The following IL1RAPL2 variants were observed in gnomAD, a reference collection of about 807,000 sequenced individuals.
IL1RAPL2 encodes X-linked interleukin-1 receptor accessory protein-like 2.
IL1RAPL2 carries 3 observed loss-of-function variants against 44.1 expected under a neutral mutation model. That is an observed-to-expected ratio of 0.07 (90% CI 0.03 to 0.18). IL1RAPL2 has a LOEUF of 0.18. Ranked by LOEUF, IL1RAPL2 falls within the 10% of genes least tolerant of loss-of-function variation. The pLI is 1.00. For missense variants in IL1RAPL2, 391 were observed against 496.4 expected (o/e 0.79, Z 2.02); for synonymous variants, 181 against 178.8 (o/e 1.01, Z -0.10).
At position 105,658,789 on chromosome X, in the gene IL1RAPL2, C is replaced by T. The variant is rs1246328674; in HGVS notation, c.773-58578C>T. 1.3e-4 allele frequency among the ~76,000 whole-genome samples: 13 copies of T among 101,490 alleles called. No individual in the cohort carries two copies. The Admixed American group carries it at 1.3e-3, about 11-fold the overall frequency. 88.1% of individuals were successfully genotyped at this position (101,490 alleles called of 115,157 possible). A position where few individuals can be genotyped will look rare whatever the true frequency, so the allele number is the denominator to read the frequency against. The stretch of plus-strand genomic sequence containing the variant: ...CCAGCATGGTGAAACCCCATCTGTA[C>T]TAAAAATACAAAAAAAAAAAAAATT... On this transcript the variant is annotated intron_variant, in intron 6 of 10. Transcript: ENST00000372582.
intron 6 of IL1RAPL2, among the ~76,000 whole-genome samples, chrX:105,574,766 A>G (rs2037038733): frequency 9.0e-6 from 1 of 111,253 alleles, no homozygotes; most frequent in Non-Finnish European, 1.9e-5. Flanking sequence ...GTAAGATAAT[A>G]GTGTTACGTA....
At chrX:104,744,622 A>G (rs1264824189) in intron 2 of IL1RAPL2, among the ~76,000 whole-genome samples, 1 of 111,536 alleles carries the variant, frequency 9.0e-6, no homozygotes, top group Non-Finnish European at 1.9e-5. Flanking sequence ...TCATAGCACA[A>G]TTTATTAATT....
chrX:105,681,294 A>AT (rs2037923169), intron 6 of IL1RAPL2, among the ~76,000 whole-genome samples: 1 of 110,970 alleles, frequency 9.0e-6, no homozygotes, highest in African/African-American at 3.3e-5. Context: ...GATCAGAAAG[A>AT]CCTTGCTTCT....
At chrX:105,545,182 A>T (rs1288452414) in intron 6 of IL1RAPL2, among the ~76,000 whole-genome samples, 1 of 111,734 alleles carries the variant, frequency 8.9e-6, no homozygotes, top group Non-Finnish European at 1.9e-5. Flanking sequence ...GTAGTTCTGG[A>T]TCTGGTGTCA....
intron 6 of IL1RAPL2, among the ~76,000 whole-genome samples, chrX:105,539,178 T>C (rs1261215062): frequency 9.0e-6 from 1 of 111,246 alleles, no homozygotes; most frequent in Non-Finnish European, 1.9e-5. Flanking sequence ...CACAGAAAAA[T>C]GTTCCAAAAT....
chrX:105,762,231 T>G, intron 10 of IL1RAPL2, among the ~76,000 whole-genome samples: 1 of 112,194 alleles, frequency 8.9e-6, no homozygotes. Flanking sequence ...CACTAGAATT[T>G]TGTTTTATAC....
chrX:105,396,494 C>T (rs2035564056), intron 5 of IL1RAPL2, among the ~76,000 whole-genome samples: 1 of 97,997 alleles, frequency 1.0e-5, no homozygotes, highest in African/African-American at 3.7e-5. Flanking sequence ...GATTAAATAA[C>T]GTAAAAGACA....
intron 6 of IL1RAPL2, among the ~76,000 whole-genome samples, chrX:105,647,990 A>G (rs909089175): frequency 1.8e-5 from 2 of 111,975 alleles, no homozygotes; most frequent in African/African-American, 6.5e-5. Flanking sequence ...CTCAGTAGCC[A>G]TAGCACAATG....
At chrX:104,881,542 G>A (rs994769096) in intron 2 of IL1RAPL2, among the ~76,000 whole-genome samples, 1 of 112,020 alleles carries the variant, frequency 8.9e-6, no homozygotes, top group Admixed American at 9.5e-5. Context: ...ATCTTGTTTT[G>A]CATGCTGTAC....
intron 6 of IL1RAPL2, among the ~76,000 whole-genome samples, chrX:105,619,610 A>T (rs1569459205): frequency 9.0e-6 from 1 of 111,265 alleles, no homozygotes; most frequent in African/African-American, 3.3e-5. Context: ...TGAGGCCAAG[A>T]TATGAAGGCC....
chrX:104,908,868 A>G (rs1602806822), intron 2 of IL1RAPL2, among the ~76,000 whole-genome samples: 1 of 110,588 alleles, frequency 9.0e-6, no homozygotes. Context: ...TAGATTGGGG[A>G]AGTTCTCCTG....
intron 2 of IL1RAPL2, among the ~76,000 whole-genome samples, chrX:104,950,478 T>A (rs765549633): frequency 7.1e-5 from 8 of 112,596 alleles, no homozygotes; most frequent in African/African-American, 2.6e-4. Flanking sequence ...GCAGGCCTCC[T>A]TGAGCTGTGG....
At chrX:105,309,794 T>C (rs930691006) in intron 5 of IL1RAPL2, among the ~76,000 whole-genome samples, 1 of 111,292 alleles carries the variant, frequency 9.0e-6, no homozygotes. Flanking sequence ...TTGCAAGAAA[T>C]CTAAAAAATA....
chrX:105,701,992 T>C (rs1227995852), intron 6 of IL1RAPL2, among the ~76,000 whole-genome samples: 1 of 111,590 alleles, frequency 9.0e-6, no homozygotes, highest in Non-Finnish European at 1.9e-5. Flanking sequence ...TCCACAAATA[T>C]GGCAAGTTAT....
chrX:105,357,527 T>C (rs995511814), intron 5 of IL1RAPL2, among the ~76,000 whole-genome samples: 2 of 111,324 alleles, frequency 1.8e-5, no homozygotes, highest in Non-Finnish European at 3.8e-5. Flanking sequence ...AAATATTTGG[T>C]ATAGACATGG....
chrX:105,521,101 A>ATTT lies in IL1RAPL2; in HGVS notation c.772+36728_772+36730dup, dbSNP rs560910539. On this transcript the variant is annotated intron_variant, in intron 6 of 10. Transcript: ENST00000372582. Reference sequence around the variant, plus strand: ...AGGCGCCTGCCACCAAGCCCGGCTAATTTTTTTTTTTTTTTTGTATTTTTA... The same window carrying ATTT: ...AGGCGCCTGCCACCAAGCCCGGCTAATTTTTTTTTTTTTTTTTTTGTATTTTTA... 8.3e-4 allele frequency among the ~76,000 whole-genome samples: 75 copies of ATTT among 90,702 alleles called. 1 individual carries two copies. The highest frequency in any genetic ancestry group is 2.8e-3 in the African/African-American group (70 of 24,615). 78.8% of individuals were successfully genotyped at this position (90,702 alleles called of 115,157 possible).
At chrX:105,743,895 T>C (rs911780443) in intron 8 of IL1RAPL2, among the ~76,000 whole-genome samples, 7 of 112,333 alleles carry the variant, frequency 6.2e-5, no homozygotes, top group African/African-American at 1.9e-4. Context: ...ATGCATTTTT[T>C]CTTTTCAAGT....
chrX:105,061,085 G>C (rs965186027), intron 2 of IL1RAPL2, among the ~76,000 whole-genome samples: 2 of 109,727 alleles, frequency 1.8e-5, no homozygotes, highest in Non-Finnish European at 3.8e-5. Flanking sequence ...AGTAATTTTG[G>C]GCTTGGTTTG....
chrX:105,292,883 G>A (rs994482811), intron 5 of IL1RAPL2, among the ~76,000 whole-genome samples: 1 of 110,340 alleles, frequency 9.1e-6, no homozygotes, highest in Non-Finnish European at 1.9e-5. Context: ...GGAGGCCAAG[G>A]CAGGCGGATC....
Sources: gnomAD v4.1 joint callset for allele counts (sites outside exome capture counted in the v4.1 genomes callset) on GRCh38, gnomAD v4.1.1 for gene constraint, MANE v1.5 for transcripts, NCBI Gene and HGNC (gene_info 2026-07-23, HGNC 2026-07-21) for gene names.